SV2C: variants seen among roughly 807,000 people sequenced by gnomAD.
SV2C encodes synaptic vesicle glycoprotein 2C.
SV2C carries 49 observed loss-of-function variants against 79.7 expected under a neutral mutation model. That is an observed-to-expected ratio of 0.61 (90% CI 0.49 to 0.78). The LOEUF (loss-of-function observed/expected upper bound fraction) is 0.78, where lower values mean the gene tolerates loss of function less well. Ranked by LOEUF, SV2C falls within the 30% of genes least tolerant of loss-of-function variation. The pLI, the probability that SV2C is intolerant of heterozygous loss-of-function variation, is 0.00. For missense variants in SV2C, 833 were observed against 912.9 expected (o/e 0.91, Z 1.13); for synonymous variants, 334 against 333.2 (o/e 1.00, Z -0.03).
chr5:76,047,421 G>A, the SV2C span, among the ~76,000 whole-genome samples: 90 of 152,262 alleles, frequency 5.9e-4, 1 homozygote, highest in East Asian at 0.015. Context: ...AGTTGCCAAT[G>A]GCTGCAGTTT....
At chr5:76,143,133 A>T (rs571375309) in intron 2 of SV2C, among the ~76,000 whole-genome samples, 2 of 152,066 alleles carry the variant, frequency 1.3e-5, no homozygotes, top group Non-Finnish European at 2.9e-5. Flanking sequence ...TGACCTCATG[A>T]TCCACCTGCC....
the SV2C span, among the ~76,000 whole-genome samples, chr5:76,071,289 A>G: frequency 6.6e-6 from 1 of 152,208 alleles, no homozygotes; most frequent in Non-Finnish European, 1.5e-5. Context: ...ATCTCTGGAA[A>G]GTATGTGGAG....
chr5:75,903,300 C>T, the SV2C span, among the ~76,000 whole-genome samples: 1 of 150,960 alleles, frequency 6.6e-6, no homozygotes, highest in Admixed American at 6.6e-5. Context: ...CTGATTTGTC[C>T]AAGATTATGA....
At chr5:76,175,506 G>A (rs891173336) in intron 2 of SV2C, among the ~76,000 whole-genome samples, 1 of 152,174 alleles carries the variant, frequency 6.6e-6, no homozygotes, top group African/African-American at 2.4e-5. Flanking sequence ...CATTGTTAAA[G>A]TGCAGAGAGA....
intron 4 of SV2C, among the ~76,000 whole-genome samples, chr5:76,256,816 C>T (rs1746280954): frequency 6.6e-6 from 1 of 152,228 alleles, no homozygotes; most frequent in Non-Finnish European, 1.5e-5. Context: ...CTTACAAACA[C>T]TGTCTAGTTT....
At chr5:76,065,638 T>C in the SV2C span, among the ~76,000 whole-genome samples, 1 of 152,170 alleles carries the variant, frequency 6.6e-6, no homozygotes, top group Non-Finnish European at 1.5e-5. Context: ...GTATATGTAG[T>C]TGAGATCACA....
the SV2C span, among the ~76,000 whole-genome samples, chr5:75,925,999 C>T: frequency 6.6e-6 from 1 of 152,022 alleles, no homozygotes; most frequent in Non-Finnish European, 1.5e-5. Flanking sequence ...AATTATTGAA[C>T]ATTGAAACAC....
chr5:75,911,473 C>T, the SV2C span: 7 of 874,092 alleles, frequency 8.0e-6, no homozygotes, highest in South Asian at 4.9e-5. Flanking sequence ...AGGGAACATA[C>T]CCTCCAGTCC....
chr5:76,087,967 A>G (rs978413587), intron 1 of SV2C, among the ~76,000 whole-genome samples: 2 of 152,234 alleles, frequency 1.3e-5, no homozygotes. Flanking sequence ...CATTGTAATG[A>G]CAGGTTAGTT....
the SV2C span, among the ~76,000 whole-genome samples, chr5:75,900,398 G>C: frequency 2.4e-4 from 37 of 152,264 alleles, no homozygotes; most frequent in East Asian, 5.0e-3. Context: ...GGCCCCCACT[G>C]TCTTCTGGCT....
chr5:75,883,525 A>T, the SV2C span, among the ~76,000 whole-genome samples: 1 of 146,274 alleles, frequency 6.8e-6, no homozygotes, highest in Non-Finnish European at 1.5e-5. Context: ...TGATGAGTTC[A>T]TGTCCTTTGT....
chr5:76,296,353 AG>A (rs1443288310), intron 9 of SV2C, among the ~76,000 whole-genome samples: 1 of 150,540 alleles, frequency 6.6e-6, no homozygotes, highest in Admixed American at 6.6e-5. Flanking sequence ...TGAGAAACAG[AG>A]CCACTTTTCA....
At chr5:76,036,120 T>A in the SV2C span, among the ~76,000 whole-genome samples, 3 of 151,972 alleles carry the variant, frequency 2.0e-5, no homozygotes, top group Non-Finnish European at 4.4e-5. Flanking sequence ...CATCCTTTTA[T>A]TTTGAGCCTA....
At chr5:75,944,467 A>G in the SV2C span, among the ~76,000 whole-genome samples, 1 of 152,184 alleles carries the variant, frequency 6.6e-6, no homozygotes, top group South Asian at 2.1e-4. Flanking sequence ...GAGTATACAG[A>G]CTACAGCCTA....
the SV2C span, among the ~76,000 whole-genome samples, chr5:75,904,052 A>G: frequency 6.6e-6 from 1 of 152,178 alleles, no homozygotes. Flanking sequence ...TTACGTAAGC[A>G]CACGTGTGTT....
rs558495648 is a variant in SV2C, at chr5:76,131,941, C to T, written c.191C>T (p.Thr64Ile). 3 of 1,613,984 alleles carry T rather than the reference C, an allele frequency of 1.9e-6. No homozygotes were observed. Among genetic ancestry groups the T allele is most frequent in the South Asian group, 1.1e-5 (1 of 91,062 alleles). ...GATGACTACTACCCGGCTGGAGAAA[C>T]CTATAATGGTGAGGCCAACGATGAC... ...DDDDYYPAGE[T>I]YNGEANDDEG... is the part of the protein sequence containing the mutation. Residue 64 changes from threonine to isoleucine, a missense_variant, in exon 2 of 13, where the codon ACC (threonine) becomes ATC (isoleucine). Physicochemically the swap from Thr to Ile is moderately conservative, Grantham distance 89. Coordinates refer to ENST00000502798, the MANE Select transcript of SV2C (RefSeq NM_014979.4).
chr5:76,092,378 C>T (rs1164054073), intron 1 of SV2C, among the ~76,000 whole-genome samples: 1 of 152,080 alleles, frequency 6.6e-6, no homozygotes, highest in African/African-American at 2.4e-5. Context: ...CAGTTTTTCT[C>T]ATGGATCTTT....
chr5:75,995,552 T>C, the SV2C span, among the ~76,000 whole-genome samples: 2 of 152,096 alleles, frequency 1.3e-5, no homozygotes, highest in African/African-American at 4.8e-5. Flanking sequence ...TATCAAATAA[T>C]TCGAAACAAA....
At chr5:75,943,016 A>T in the SV2C span, among the ~76,000 whole-genome samples, 2 of 152,174 alleles carry the variant, frequency 1.3e-5, no homozygotes, top group Non-Finnish European at 2.9e-5. Flanking sequence ...AAAAACAAAC[A>T]AATAAATAAG....
Sources: gnomAD v4.1 joint callset for allele counts (sites outside exome capture counted in the v4.1 genomes callset) on GRCh38, gnomAD v4.1.1 for gene constraint, MANE v1.5 for transcripts, NCBI Gene and HGNC (gene_info 2026-07-23, HGNC 2026-07-21) for gene names.